Variants in THSD7A observed in about 807,000 individuals in gnomAD.
THSD7A encodes the protein thrombospondin type-1 domain-containing protein 7A.
THSD7A carries 96 observed loss-of-function variants against 231.3 expected under a neutral mutation model. That is an observed-to-expected ratio of 0.41 (90% confidence interval 0.35 to 0.49). The LOEUF is 0.49. Ranked by LOEUF, THSD7A falls within the 20% of genes least tolerant of loss-of-function variation. The pLI, the probability that THSD7A is intolerant of heterozygous loss-of-function variation, is 0.05. For synonymous variants in THSD7A, 940 were observed against 743.3 expected, an observed-to-expected ratio of 1.26 and a Z score of -4.30; for missense variants, 2,290 against 2,070.2, an observed-to-expected ratio of 1.11 and a Z score of -2.06.
intron 1 of THSD7A, among the ~76,000 whole-genome samples, chr7:11,817,045 T>C (rs1354157454): frequency 6.6e-6 from 1 of 152,222 alleles, no homozygotes; most frequent in Non-Finnish European, 1.5e-5. Context: ...GTAATGGACA[T>C]GAAATAGTTG....
rs372709334 is a variant in THSD7A at position 11,444,348 on chromosome 7, C to T, written c.3064+1713G>A. Among the ~76,000 whole-genome samples the T allele has an allele frequency of 2.6e-5, 4 of 152,234 alleles. No individual in the cohort carries two copies. The East Asian group carries it at 5.8e-4, about 22-fold the overall frequency. On this transcript the variant is annotated intron_variant, in intron 13 of 27. Transcript: ENST00000423059. This position sits in a 1 kb window ranked among gnomAD's most constrained non-coding sequence, Gnocchi z 4.2. Reference sequence around the variant, plus strand: ...TCATTCTACTATAAAGACACATGCACACGTATGTTTACTGTGGCACTGTTC... The same window carrying T: ...TCATTCTACTATAAAGACACATGCATACGTATGTTTACTGTGGCACTGTTC...
chr7:11,479,470 A>G (rs767351804), intron 7 of THSD7A, among the ~76,000 whole-genome samples: 3 of 152,232 alleles, frequency 2.0e-5, no homozygotes, highest in Non-Finnish European at 4.4e-5. Flanking sequence ...TCTGATCCAC[A>G]GAAATTTAAG....
chr7:11,560,905 T>A (rs1451586283), intron 4 of THSD7A, among the ~76,000 whole-genome samples: 1 of 152,188 alleles, frequency 6.6e-6, no homozygotes, highest in Non-Finnish European at 1.5e-5. Flanking sequence ...GTAATTTATT[T>A]AATAACAAAT....
intron 1 of THSD7A, among the ~76,000 whole-genome samples, chr7:11,795,857 C>A (rs553006110): frequency 1.2e-3 from 182 of 151,456 alleles, no homozygotes; most frequent in African/African-American, 4.1e-3. Flanking sequence ...GAGGAGTCAG[C>A]AAACAACTAA....
chr7:11,492,709 A>T lies in THSD7A; in HGVS notation c.1823-10727T>A, dbSNP rs552877932. ...TTGGAAATGAGGAAGAGCAATATAA[A>T]TGTAGGAGACTGGTCTATGTGGGAA... On this transcript the variant is annotated intron_variant, in intron 6 of 27. Coordinates refer to ENST00000423059, the MANE Select transcript of THSD7A (RefSeq NM_015204.3). 1.3e-5 allele frequency among the ~76,000 whole-genome samples: 2 copies of T among 152,200 alleles called. 1 individual carries two copies. Among genetic ancestry groups the T allele is most frequent in the African/African-American group, 4.8e-5 (2 of 41,554 alleles).
At chr7:11,486,107 T>C (rs1786646046) in intron 6 of THSD7A, among the ~76,000 whole-genome samples, 1 of 152,184 alleles carries the variant, frequency 6.6e-6, no homozygotes, top group African/African-American at 2.4e-5. Context: ...AACTTGTCAA[T>C]TCCAGCCACT....
At chr7:11,711,056 T>C (rs1780944853) in intron 1 of THSD7A, among the ~76,000 whole-genome samples, 1 of 150,990 alleles carries the variant, frequency 6.6e-6, no homozygotes, top group African/African-American at 2.4e-5. Context: ...ATGTCCTTTG[T>C]AGATATAGCT....
At chr7:11,379,775 G>A (rs1782437548) in intron 24 of THSD7A, 63 bp from the exon 25 acceptor site, 17 of 1,480,592 alleles carry the variant, frequency 1.1e-5, no homozygotes, top group Non-Finnish European at 1.6e-5. Context: ...AATACACTGT[G>A]GTTAGTGACT....
intron 4 of THSD7A, among the ~76,000 whole-genome samples, chr7:11,557,161 T>C (rs1380964946): frequency 6.6e-6 from 1 of 152,088 alleles, no homozygotes; most frequent in African/African-American, 2.4e-5. Flanking sequence ...TTTTCTTCCC[T>C]CATATTTTTT....
rs780172701 is a variant in THSD7A, at chr7:11,636,414, G to A, written c.738C>T (p.Cys246=). 1.2e-6 allele frequency: 2 copies of A among 1,613,408 alleles called. No homozygotes were observed. The highest frequency in any genetic ancestry group is 1.3e-5 in the African/African-American group (1 of 74,908). The change falls in exon 2 of 28, where the codon TGC becomes TGT. Residue 246 remains cysteine (C), a synonymous_variant. Coordinates refer to ENST00000423059, the MANE Select transcript of THSD7A (RefSeq NM_015204.3). This position sits in a 1 kb window ranked among gnomAD's most constrained non-coding sequence, Gnocchi z 10.0. ...GGCTGTACCTGAGCTCCTCGGCCTC[G>A]CATGGACTGGATTGGCACACCTGGA... The part of the protein sequence containing the change: ...TEFQVCQSSP[C]EAEELRYSLH...
chr7:11,757,412 T>C (rs1188952452), intron 1 of THSD7A, among the ~76,000 whole-genome samples: 2 of 152,014 alleles, frequency 1.3e-5, no homozygotes, highest in Non-Finnish European at 2.9e-5. Context: ...AGAATACCTT[T>C]GTATACTTTC....
At chr7:11,557,561 T>C (rs1583970079) in intron 4 of THSD7A, among the ~76,000 whole-genome samples, 1 of 152,102 alleles carries the variant, frequency 6.6e-6, no homozygotes, top group Non-Finnish European at 1.5e-5. Context: ...GTCACAAGAC[T>C]CTAGATCTTT....
intron 1 of THSD7A, among the ~76,000 whole-genome samples, chr7:11,737,754 A>C (rs1251995178): frequency 3.3e-5 from 5 of 152,060 alleles, no homozygotes; most frequent in Non-Finnish European, 7.4e-5. Flanking sequence ...AAAATGAAAG[A>C]TATTTCAAAA....
At chr7:11,568,607 A>G (rs541876714) in intron 4 of THSD7A, among the ~76,000 whole-genome samples, 22 of 128,482 alleles carry the variant, frequency 1.7e-4, no homozygotes, top group African/African-American at 5.8e-4. Flanking sequence ...CCTGAGTGAC[A>G]GAGTGAAACT....
At chr7:11,778,429 T>C (rs998434541) in intron 1 of THSD7A, among the ~76,000 whole-genome samples, 5 of 152,266 alleles carry the variant, frequency 3.3e-5, no homozygotes, top group African/African-American at 1.2e-4. Context: ...TATTTTCATA[T>C]ATATTTTTAA....
chr7:11,447,165 G>A, intron 12 of THSD7A, 65 bp downstream of exon 12: 1 of 1,459,736 alleles, frequency 6.9e-7, no homozygotes. Context: ...AATTCTCTCA[G>A]TCTGACTTGT....
chr7:11,377,679 T>C lies in THSD7A; in HGVS notation c.4802-1022A>G, dbSNP rs1395248892. On this transcript the variant is annotated intron_variant, in intron 26 of 27. Coordinates refer to ENST00000423059, the MANE Select transcript of THSD7A (RefSeq NM_015204.3). The surrounding 1 kb of genome is among the most constrained non-coding windows in gnomAD (Gnocchi z 4.5). Reference sequence around the variant, plus strand: ...TCATTTTTTAAATTTGAGCTCAGTTTAGAATCAAAAGAGCTGTTCCACGAT... The same window carrying C: ...TCATTTTTTAAATTTGAGCTCAGTTCAGAATCAAAAGAGCTGTTCCACGAT... Among the ~76,000 whole-genome samples the C allele has an allele frequency of 6.6e-6, 1 of 152,114 alleles. No homozygotes were observed. The highest frequency in any genetic ancestry group is 1.5e-5 in the Non-Finnish European group (1 of 67,988).
At chr7:11,600,568 T>C (rs188717269) in intron 2 of THSD7A, among the ~76,000 whole-genome samples, 1 of 152,230 alleles carries the variant, frequency 6.6e-6, no homozygotes, top group East Asian at 1.9e-4. Context: ...TTTGAAGAGT[T>C]TTCGTGAAAT....
chr7:11,696,352 A>G (rs1181444347), intron 1 of THSD7A, among the ~76,000 whole-genome samples: 1 of 151,574 alleles, frequency 6.6e-6, no homozygotes, highest in Non-Finnish European at 1.5e-5. Flanking sequence ...CATATTTAGG[A>G]CAAAAATATA....
Sources: gnomAD v4.1 joint callset for allele counts (sites outside exome capture counted in the v4.1 genomes callset) on GRCh38, gnomAD v4.1.1 for gene constraint, Gnocchi (gnomAD v3.1) non-coding constraint, MANE v1.5 for transcripts, NCBI Gene and HGNC (gene_info 2026-07-23, HGNC 2026-07-21) for gene names.